COTL1: variants seen among roughly 807,000 people sequenced by gnomAD.
COTL1 encodes coactosin like F-actin binding protein 1.
In COTL1, 15 loss-of-function variants were observed where a neutral mutation model predicts 16.5. The observed-to-expected ratio is 0.91, with a 90% confidence interval of 0.61 to 1.40. The LOEUF (loss-of-function observed/expected upper bound fraction) is 1.40, where lower values mean the gene tolerates loss of function less well. Among genes scored for constraint, COTL1 ranks in the 40% most tolerant of loss-of-function variants. COTL1 has a pLI of 0.00. For missense variants in COTL1, 220 were observed against 201.5 expected (o/e 1.09, Z -0.56); for synonymous variants, 112 against 85.3 (o/e 1.31, Z -1.73).
At chr16:84,591,681 G>C (rs1904868522) in intron 2 of COTL1, among the ~76,000 whole-genome samples, 1 of 144,898 alleles carries the variant, frequency 6.9e-6, no homozygotes, top group South Asian at 2.1e-4. Flanking sequence ...AAATTAGCTG[G>C]GCACGGTGGC....
intron 2 of COTL1, among the ~76,000 whole-genome samples, chr16:84,591,402 T>A (rs1490059960): frequency 6.6e-6 from 1 of 151,666 alleles, no homozygotes; most frequent in Non-Finnish European, 1.5e-5. Context: ...CCAGGATGAA[T>A]CTTGATCTCC....
intron 2 of COTL1, among the ~76,000 whole-genome samples, chr16:84,609,636 C>T (rs558125354): frequency 9.6e-4 from 146 of 152,292 alleles, no homozygotes; most frequent in African/African-American, 3.3e-3. Flanking sequence ...TCTGGGTTCC[C>T]ACCCAAATCT....
chr16:84,606,160 G>C (rs1056744624), intron 2 of COTL1, among the ~76,000 whole-genome samples: 4 of 152,252 alleles, frequency 2.6e-5, no homozygotes, highest in African/African-American at 9.6e-5. Context: ...TGCCACTGCT[G>C]AGGCCACTGA....
At chr16:84,617,463 A>G (rs1206529305) in intron 2 of COTL1, 38 bp downstream of exon 2, 1 of 1,542,022 alleles carries the variant, frequency 6.5e-7, no homozygotes, top group Non-Finnish European at 8.8e-7. Flanking sequence ...ACAACCTCCC[A>G]ACGACCGCGC....
intron 2 of COTL1, among the ~76,000 whole-genome samples, chr16:84,591,181 G>T (rs1567535383): frequency 7.2e-6 from 1 of 139,328 alleles, no homozygotes. Flanking sequence ...TTGATATTCT[G>T]GAATTTTTTT....
chr16:84,583,125 G>A (rs545000948), intron 3 of COTL1, among the ~76,000 whole-genome samples: 43 of 152,330 alleles, frequency 2.8e-4, no homozygotes, highest in African/African-American at 9.6e-4. Flanking sequence ...TGAAGTGGCC[G>A]TGTCGGGGCT....
At chr16:84,571,709 C>T (rs1055316649) in intron 3 of COTL1, among the ~76,000 whole-genome samples, 3 of 152,226 alleles carry the variant, frequency 2.0e-5, no homozygotes, top group African/African-American at 7.2e-5. Context: ...TGGTCATGCA[C>T]GGGCCCATTG....
At chr16:84,588,761 C>A (rs796743564) in intron 3 of COTL1, among the ~76,000 whole-genome samples, 3 of 152,250 alleles carry the variant, frequency 2.0e-5, no homozygotes, top group African/African-American at 7.2e-5. Context: ...AAGCAATCCT[C>A]CCACCTTAGC....
At chr16:84,594,063 C>T (rs576660884) in intron 2 of COTL1, among the ~76,000 whole-genome samples, 23 of 152,318 alleles carry the variant, frequency 1.5e-4, no homozygotes, top group African/African-American at 5.5e-4. Flanking sequence ...CTCAGCGTCA[C>T]ATCTCCAAGG....
intron 3 of COTL1, among the ~76,000 whole-genome samples, chr16:84,581,671 AT>A (rs1904597712): frequency 6.6e-6 from 1 of 151,526 alleles, no homozygotes; most frequent in African/African-American, 2.4e-5. Flanking sequence ...GCCCAGCCTA[AT>A]TTTTGTATTT....
intron 2 of COTL1, among the ~76,000 whole-genome samples, chr16:84,608,281 G>A (rs1905252960): frequency 6.6e-6 from 1 of 152,100 alleles, no homozygotes; most frequent in African/African-American, 2.4e-5. Context: ...TATTTTCAAG[G>A]GACAAAAACC....
Position 84,598,805 on chromosome 16 carries a change from G to A in COTL1, c.161-8543C>T, listed in dbSNP as rs867611110. On this transcript the variant is annotated intron_variant, in intron 2 of 3. Coordinates refer to ENST00000262428, the MANE Select transcript of COTL1 (RefSeq NM_021149.5). ...AGCGGGAGAACCAAGTGGGGGCGGC[G>A]GGGACCAAGCGGCAGGGGTGGGGGG... Among the ~76,000 whole-genome samples the A allele has an allele frequency of 2.5e-4, 37 of 148,316 alleles. No individual in the cohort carries two copies. The Middle Eastern group carries it at 0.014, about 55-fold the overall frequency.
rs1295161030 is a variant in COTL1, at chr16:84,587,866, G to A, written c.318+2239C>T. On this transcript the variant is annotated intron_variant, in intron 3 of 3. Transcript: ENST00000262428. ...GGCTCACTGCAACTTCCGCCTCCTG[G>A]TTTCAAGAGATTCTCCTGTCTCAGC... is the stretch of plus-strand genomic sequence containing the variant. Among the ~76,000 whole-genome samples the A allele has an allele frequency of 3.9e-5, 6 of 152,006 alleles. No individual in the cohort carries two copies. In the East Asian group the frequency reaches 1.2e-3, roughly 29 times the overall value.
intron 2 of COTL1, among the ~76,000 whole-genome samples, chr16:84,597,561 T>C (rs1331990944): frequency 6.6e-6 from 1 of 152,176 alleles, no homozygotes; most frequent in African/African-American, 2.4e-5. Context: ...GCTCTGAAAC[T>C]GTGCTCGAAT....
chr16:84,599,272 G>A (rs1905066981), intron 2 of COTL1, among the ~76,000 whole-genome samples: 1 of 152,230 alleles, frequency 6.6e-6, no homozygotes, highest in Admixed American at 6.5e-5. Flanking sequence ...AGTCCTGGCT[G>A]GAGGACCAAA....
intron 2 of COTL1, among the ~76,000 whole-genome samples, chr16:84,605,853 T>G (rs761239897): frequency 2.2e-4 from 34 of 152,256 alleles, no homozygotes; most frequent in Non-Finnish European, 4.4e-4. Flanking sequence ...TGTGGTCATT[T>G]GTTACAGTGG....
chr16:84,587,546 AC>A (rs1904761656), intron 3 of COTL1, among the ~76,000 whole-genome samples: 1 of 152,204 alleles, frequency 6.6e-6, no homozygotes, highest in South Asian at 2.1e-4. Flanking sequence ...GTGAACCAGG[AC>A]ACTCTGCTAC....
At chr16:84,574,597 T>C (rs905345327) in intron 3 of COTL1, among the ~76,000 whole-genome samples, 27 of 152,236 alleles carry the variant, frequency 1.8e-4, no homozygotes, top group African/African-American at 6.5e-4. Context: ...TTGTTTTTGT[T>C]TTTTCTGAGA....
At chr16:84,570,181 C>T (rs2150679239) in intron 3 of COTL1, among the ~76,000 whole-genome samples, 1 of 152,282 alleles carries the variant, frequency 6.6e-6, no homozygotes, top group Non-Finnish European at 1.5e-5. Flanking sequence ...GAGGCTAAGG[C>T]AGGAGAATGG....
Sources: allele counts gnomAD v4.1 joint callset (sites outside exome capture counted in the v4.1 genomes callset), GRCh38; gene constraint gnomAD v4.1.1; transcripts MANE v1.5; gene names NCBI Gene and HGNC (gene_info 2026-07-23, HGNC 2026-07-21).